Variants in CDH18 observed in about 807,000 individuals in gnomAD.
CDH18 encodes the protein cadherin-18.
A neutral mutation model predicts 67.9 loss-of-function variants in CDH18; 31 were observed. The ratio of observed to expected loss-of-function variants is 0.46; its 90% confidence interval spans 0.34 to 0.62. The LOEUF (loss-of-function observed/expected upper bound fraction) is 0.62, where lower values mean the gene tolerates loss of function less well. CDH18 is among the 20% of genes least tolerant of loss of function. CDH18 has a pLI of 0.01. For synonymous variants in CDH18, 362 were observed against 347.2 expected (o/e 1.04, Z -0.48); for missense variants, 890 against 975.5 (o/e 0.91, Z 1.17).
chr5:20,202,348 T>C (rs1260088561), intron 2 of CDH18, among the ~76,000 whole-genome samples: 3 of 152,206 alleles, frequency 2.0e-5, no homozygotes, highest in Non-Finnish European at 2.9e-5. Flanking sequence ...TTGAAATACA[T>C]AGCCATGCAC....
At chr5:20,555,509 A>G (rs28373476) in intron 1 of CDH18, among the ~76,000 whole-genome samples, 6,149 of 142,146 alleles carry the variant, frequency 0.043, 415 homozygotes, top group African/African-American at 0.15. Flanking sequence ...CAGTGGCGCA[A>G]TCTCCGTTCA....
intron 2 of CDH18, among the ~76,000 whole-genome samples, chr5:19,867,965 T>A (rs191264210): frequency 9.2e-5 from 14 of 152,284 alleles, no homozygotes; most frequent in African/African-American, 3.4e-4. Flanking sequence ...GATGGTTTTA[T>A]AAGGGGCCTT....
At chr5:20,191,220 T>C (rs987912688) in intron 2 of CDH18, among the ~76,000 whole-genome samples, 5 of 152,148 alleles carry the variant, frequency 3.3e-5, no homozygotes, top group African/African-American at 1.2e-4. Context: ...GAAGTTTATA[T>C]ATTCCCCTTA....
At chr5:19,529,151 A>G (rs563066407) in intron 9 of CDH18, among the ~76,000 whole-genome samples, 1 of 152,152 alleles carries the variant, frequency 6.6e-6, no homozygotes, top group Non-Finnish European at 1.5e-5. Flanking sequence ...TCAGGCTTTG[A>G]TAATACATTC....
chr5:19,987,909 C>T (rs1000422867), intron 1 of CDH18, among the ~76,000 whole-genome samples, 177 bp downstream of exon 1: 1 of 152,106 alleles, frequency 6.6e-6, no homozygotes, highest in Non-Finnish European at 1.5e-5. Flanking sequence ...TGTATACCAG[C>T]GATAAGGCAG....
At chr5:20,369,409 A>G (rs1261794002) in intron 1 of CDH18, among the ~76,000 whole-genome samples, 1 of 152,220 alleles carries the variant, frequency 6.6e-6, no homozygotes, top group Admixed American at 6.5e-5. Flanking sequence ...TTAAAAGGAA[A>G]AGGACAATTC....
At chr5:19,495,013 G>A (rs147498126) in intron 11 of CDH18, among the ~76,000 whole-genome samples, 205 of 152,160 alleles carry the variant, frequency 1.3e-3, no homozygotes, top group African/African-American at 4.7e-3. Flanking sequence ...TTAACAGTTC[G>A]TACTGTGAGA....
At chr5:20,279,419 C>CTATT (rs1746050930) in intron 1 of CDH18, among the ~76,000 whole-genome samples, 2 of 151,950 alleles carry the variant, frequency 1.3e-5, no homozygotes, top group Non-Finnish European at 2.9e-5. Context: ...CTATAAGAGG[C>CTATT]TGGGCACCGT....
chr5:20,370,189 C>T (rs1343735194), intron 1 of CDH18, among the ~76,000 whole-genome samples: 1 of 152,024 alleles, frequency 6.6e-6, no homozygotes, highest in Non-Finnish European at 1.5e-5. Flanking sequence ...ACCATCATTA[C>T]TATCCTTATC....
Position 19,631,851 on chromosome 5 carries a change from T to G in CDH18, c.644-19250A>C, listed in dbSNP as rs1158386831. Among the ~76,000 whole-genome samples, 5 of 152,186 alleles carry G rather than the reference T, an allele frequency of 3.3e-5. No homozygotes were observed. The East Asian group carries it at 9.6e-4, about 29-fold the overall frequency. The stretch of plus-strand genomic sequence containing the variant: ...TTTTACTTGGCAATTCCACTTTTTT[T>G]GGTCATTAATTGCATGTTTTAGCCA... On this transcript the variant is annotated intron_variant, in intron 5 of 12. Transcript: ENST00000382275.
chr5:19,673,787 A>G (rs1174810619), intron 5 of CDH18, among the ~76,000 whole-genome samples: 1 of 152,086 alleles, frequency 6.6e-6, no homozygotes, highest in Non-Finnish European at 1.5e-5. Context: ...CTCATAATAA[A>G]GCTGTGAAAG....
At chr5:19,606,056 A>G (rs1377117388) in intron 6 of CDH18, among the ~76,000 whole-genome samples, 1 of 152,102 alleles carries the variant, frequency 6.6e-6, no homozygotes, top group Non-Finnish European at 1.5e-5. Context: ...GAGAGTCAGA[A>G]ATTGGTAAAC....
chr5:20,082,315 T>C (rs191199930), intron 2 of CDH18, among the ~76,000 whole-genome samples: 19 of 152,304 alleles, frequency 1.2e-4, no homozygotes, highest in African/African-American at 4.3e-4. Context: ...CCGCAAGTAG[T>C]ATTAGCTTGG....
intron 9 of CDH18, 40 bp from the exon 10 acceptor site, chr5:19,520,818 C>A (rs1579974144): frequency 6.2e-7 from 1 of 1,606,224 alleles, no homozygotes; most frequent in Non-Finnish European, 8.5e-7. Context: ...TTTCCATGCA[C>A]ACTTTAGAGG....
intron 2 of CDH18, among the ~76,000 whole-genome samples, chr5:20,242,819 C>A (rs1743092923): frequency 6.6e-6 from 1 of 151,246 alleles, no homozygotes; most frequent in Admixed American, 6.6e-5. Flanking sequence ...TTTAAATATT[C>A]TATGCTTTAT....
intron 2 of CDH18, among the ~76,000 whole-genome samples, chr5:20,002,529 A>G (rs1561703097): frequency 1.3e-5 from 2 of 152,188 alleles, no homozygotes; most frequent in Admixed American, 1.3e-4. Flanking sequence ...AGAGTATGTG[A>G]TGCATGTATA....
chr5:20,465,140 AAT>A (rs1337253693), intron 1 of CDH18, among the ~76,000 whole-genome samples: 1 of 152,102 alleles, frequency 6.6e-6, no homozygotes, highest in Non-Finnish European at 1.5e-5. Flanking sequence ...AAAGTGTATA[AAT>A]GACAGGATGG....
At chr5:19,660,391 C>T (rs903549373) in intron 5 of CDH18, among the ~76,000 whole-genome samples, 3 of 152,116 alleles carry the variant, frequency 2.0e-5, no homozygotes, top group African/African-American at 7.2e-5. Flanking sequence ...AGGCAACATA[C>T]GTGAACCTGC....
rs543709426 is a variant in CDH18, at chr5:20,265,248, G to C, written c.-579-9743C>G. On this transcript the variant is annotated intron_variant, in intron 1 of 14. Transcript: ENST00000507958. The stretch of plus-strand genomic sequence containing the variant: ...TGAAAAGACAAACTTTTTTTTCCTG[G>C]TTATTATAAAGAAAAATAGTGTTTC... 7.3e-5 allele frequency among the ~76,000 whole-genome samples: 11 copies of C among 151,332 alleles called. No homozygotes were observed. In the South Asian group the frequency reaches 2.3e-3, roughly 32 times the overall value.
Sources: allele counts gnomAD v4.1 joint callset (sites outside exome capture counted in the v4.1 genomes callset), GRCh38; gene constraint gnomAD v4.1.1; transcripts MANE v1.5; gene names NCBI Gene and HGNC (gene_info 2026-07-23, HGNC 2026-07-21).